The following HIVEP2 variants were observed in gnomAD, a reference collection of about 807,000 sequenced individuals.
The protein encoded by HIVEP2 is HIVEP zinc finger 2.
Under a neutral mutation model 180.7 loss-of-function variants are expected in HIVEP2, and 14 were observed. The observed-to-expected ratio is 0.08, with a 90% CI of 0.05 to 0.12. HIVEP2 has a LOEUF of 0.12. Among genes scored for constraint, HIVEP2 ranks in the 10% least tolerant of loss-of-function variants. HIVEP2 has a pLI of 1.00. For missense variants in HIVEP2, 2,579 were observed against 3,008.5 expected, an observed-to-expected ratio of 0.86 and a Z score of 3.34; for synonymous variants, 1,184 against 1,136.4, an observed-to-expected ratio of 1.04 and a Z score of -0.84.
chr6:142,899,617 G>A (rs7381997), intron 1 of HIVEP2, among the ~76,000 whole-genome samples: 14,596 of 152,272 alleles, frequency 0.096, 999 homozygotes, highest in East Asian at 0.24. Flanking sequence ...CCAAGAGAAT[G>A]AACCAGGCAG....
intron 2 of HIVEP2, among the ~76,000 whole-genome samples, chr6:142,797,913 C>A (rs1350073497): frequency 1.3e-5 from 2 of 152,042 alleles, no homozygotes; most frequent in South Asian, 2.1e-4. Flanking sequence ...CCACTGTACA[C>A]ACAGGTCTGG....
Position 142,773,473 on chromosome 6 carries a change from T to C in HIVEP2, c.1266A>G (p.Glu422=), listed in dbSNP as rs367655266. Residue 422 remains glutamate, a synonymous_variant, in exon 5 of 10, where the codon GAA becomes GAG. Coordinates refer to ENST00000367603, the MANE Select transcript of HIVEP2 (RefSeq NM_006734.4). ...GACAGTATTTTCCAAAGATGATTTC[T>C]TCATAAGACTTTGCATTTGTGTTGG... ...SPPNTNAKSY[E]EIIFGKYCRL... 3 of 1,614,134 alleles carry C rather than the reference T, an allele frequency of 1.9e-6. No homozygotes were observed. The highest frequency in any genetic ancestry group is 2.5e-6 in the Non-Finnish European group (3 of 1,180,058).
chr6:142,805,982 G>C (rs516717), intron 2 of HIVEP2, among the ~76,000 whole-genome samples: 54,294 of 152,034 alleles, frequency 0.36, 10,069 homozygotes, highest in South Asian at 0.45. Context: ...ACACAGGTTA[G>C]AACTACTGTT....
chr6:142,769,405 T>C lies in HIVEP2; in HGVS notation c.5187+147A>G, dbSNP rs1775462112. Reference sequence around the variant, plus strand: ...TGCAGTCAGTGGCTTCTTCCACTCCTGAGTAAGGCCAGACTTTCTGAAAAC... The same window carrying C: ...TGCAGTCAGTGGCTTCTTCCACTCCCGAGTAAGGCCAGACTTTCTGAAAAC... On this transcript the variant is annotated intron_variant, in intron 5 of 9. Coordinates refer to ENST00000367603, the MANE Select transcript of HIVEP2 (RefSeq NM_006734.4). The C allele has an allele frequency of 4.5e-6, 3 of 669,300 alleles. No individual in the cohort carries two copies. In the South Asian group the frequency reaches 6.1e-5, roughly 14 times the overall value. 41.5% of individuals were successfully genotyped at this position (669,300 alleles called of 1,614,324 possible).
At chr6:142,843,641 T>C (rs1750904860) in intron 1 of HIVEP2, among the ~76,000 whole-genome samples, 2 of 152,192 alleles carry the variant, frequency 1.3e-5, no homozygotes, top group Non-Finnish European at 2.9e-5. Flanking sequence ...CATTGGAAGC[T>C]TTTAATCAGA....
At position 142,813,384 on chromosome 6, in the gene HIVEP2, T is replaced by C. The variant is rs76333621; in HGVS notation, c.-528+23551A>G. 3.4e-3 allele frequency among the ~76,000 whole-genome samples: 523 copies of C among 152,336 alleles called. 1 individual carries two copies. The highest frequency in any genetic ancestry group is 0.012 in the African/African-American group (505 of 41,582). On this transcript the variant is annotated intron_variant, in intron 2 of 9. Coordinates refer to ENST00000367603, the MANE Select transcript of HIVEP2 (RefSeq NM_006734.4). ...CTCTGTTATCTGTGGTTGAATCTTCTGGATTCTGAAAATCATTCACACTTA... is the reference window on the plus strand; with the variant it reads ...CTCTGTTATCTGTGGTTGAATCTTCCGGATTCTGAAAATCATTCACACTTA...
chr6:142,905,955 A>G (rs1162824261), intron 1 of HIVEP2, among the ~76,000 whole-genome samples: 1 of 152,164 alleles, frequency 6.6e-6, no homozygotes, highest in African/African-American at 2.4e-5. Flanking sequence ...CCAACGTGGC[A>G]AAACCCCATC....
intron 1 of HIVEP2, among the ~76,000 whole-genome samples, chr6:142,857,558 G>C (rs1000678165): frequency 6.6e-6 from 1 of 152,202 alleles, no homozygotes; most frequent in African/African-American, 2.4e-5. Context: ...GGGTGCAGCT[G>C]CGCTGACCAC....
intron 1 of HIVEP2, among the ~76,000 whole-genome samples, chr6:142,851,923 C>T (rs1326881659): frequency 6.6e-6 from 1 of 152,206 alleles, no homozygotes; most frequent in Non-Finnish European, 1.5e-5. Flanking sequence ...TGATATGCTG[C>T]TTTCACACTT....
At chr6:142,851,591 A>G (rs1033258440) in intron 1 of HIVEP2, among the ~76,000 whole-genome samples, 2 of 152,278 alleles carry the variant, frequency 1.3e-5, no homozygotes, top group Admixed American at 1.3e-4. Context: ...CGAAAGGCTC[A>G]GGAACTTGTC....
chr6:142,836,410 G>A (rs1336431037), intron 2 of HIVEP2, among the ~76,000 whole-genome samples: 1 of 152,092 alleles, frequency 6.6e-6, no homozygotes, highest in Non-Finnish European at 1.5e-5. Flanking sequence ...TCAACCTCAG[G>A]AGCTTTCCAC....
chr6:142,764,362 C>A (rs1331341681), intron 7 of HIVEP2, among the ~76,000 whole-genome samples: 2 of 152,142 alleles, frequency 1.3e-5, no homozygotes, highest in East Asian at 3.8e-4. Context: ...ATGAAGGCAC[C>A]CACCTGGGAG....
chr6:142,788,675 T>C (rs1038509012), intron 2 of HIVEP2, among the ~76,000 whole-genome samples: 2 of 152,156 alleles, frequency 1.3e-5, no homozygotes, highest in South Asian at 4.1e-4. Flanking sequence ...ATCACACCAC[T>C]GCACTCCAGT....
chr6:142,794,209 T>A (rs1351301819), intron 2 of HIVEP2: 1 of 152,196 alleles, frequency 6.6e-6, no homozygotes, highest in Non-Finnish European at 1.5e-5. Flanking sequence ...ACATCACTTC[T>A]AGCTTCAAGT....
intron 1 of HIVEP2, among the ~76,000 whole-genome samples, chr6:142,894,858 C>A (rs1357687787): frequency 6.6e-6 from 1 of 152,174 alleles, no homozygotes; most frequent in African/African-American, 2.4e-5. Flanking sequence ...ACTACACTGT[C>A]CCCACTGATA....
rs906174680 is a variant in HIVEP2 at position 142,845,532 on chromosome 6, C to A, written c.-640-8485G>T. Among the ~76,000 whole-genome samples, 3 of 152,102 alleles carry A rather than the reference C, an allele frequency of 2.0e-5. No homozygotes were observed. In the East Asian group the frequency reaches 5.8e-4, roughly 29 times the overall value. On this transcript the variant is annotated intron_variant, in intron 1 of 9. Coordinates refer to ENST00000367603, the MANE Select transcript of HIVEP2 (RefSeq NM_006734.4). ...TATAATCATCTGTGTTTCTGTGTCA[C>A]CTGCTTTTAGAATTACACATGGATA... is the stretch of plus-strand genomic sequence containing the variant.
intron 2 of HIVEP2, among the ~76,000 whole-genome samples, chr6:142,831,990 A>T (rs1379469556): frequency 6.6e-6 from 1 of 152,080 alleles, no homozygotes; most frequent in Non-Finnish European, 1.5e-5. Context: ...TCAGGAGTTC[A>T]AGACCAGACT....
At chr6:142,830,152 A>T (rs890005725) in intron 2 of HIVEP2, among the ~76,000 whole-genome samples, 4 of 152,182 alleles carry the variant, frequency 2.6e-5, no homozygotes, top group Admixed American at 2.6e-4. Flanking sequence ...AAATACCACC[A>T]ATTGAAAAAG....
chr6:142,853,086 G>A (rs1195947081), intron 1 of HIVEP2, among the ~76,000 whole-genome samples: 1 of 152,138 alleles, frequency 6.6e-6, no homozygotes, highest in African/African-American at 2.4e-5. Context: ...TCAGTTGGTA[G>A]CTAGATCCAT....
Sources: gnomAD v4.1 joint callset for allele counts (sites outside exome capture counted in the v4.1 genomes callset) on GRCh38, gnomAD v4.1.1 for gene constraint, MANE v1.5 for transcripts, NCBI Gene and HGNC (gene_info 2026-07-23, HGNC 2026-07-21) for gene names.